The following COG5 variants were observed in gnomAD, a reference collection of about 807,000 sequenced individuals.
The protein encoded by COG5 is component of oligomeric golgi complex 5, also known as conserved oligomeric Golgi complex subunit 5.
In COG5, 86 loss-of-function variants were observed where a neutral mutation model predicts 110.4. That is an observed-to-expected ratio of 0.78 (90% CI 0.65 to 0.93). The LOEUF (loss-of-function observed/expected upper bound fraction) is 0.93, where lower values mean the gene tolerates loss of function less well. COG5 is among the 40% of genes least tolerant of loss of function. The pLI, the probability that COG5 is intolerant of heterozygous loss-of-function variation, is 0.00. For missense variants in COG5, 1,077 were observed against 987.0 expected (o/e 1.09, Z -1.22); for synonymous variants, 360 against 334.6 (o/e 1.08, Z -0.83).
At chr7:107,397,572 A>T (rs1320978187) in intron 7 of COG5, among the ~76,000 whole-genome samples, 2 of 151,992 alleles carry the variant, frequency 1.3e-5, no homozygotes, top group African/African-American at 2.4e-5. Context: ...ATAAAATCAC[A>T]TCTCATCTGC....
intron 6 of COG5, among the ~76,000 whole-genome samples, chr7:107,493,903 C>T (rs545023522): frequency 6.6e-6 from 1 of 152,140 alleles, no homozygotes; most frequent in Non-Finnish European, 1.5e-5. Flanking sequence ...GAAAGATGTG[C>T]CTTAGAAAAT....
intron 7 of COG5, among the ~76,000 whole-genome samples, chr7:107,395,541 CTTTTTTTTTTTTTTTT>C (rs67581814): frequency 3.8e-4 from 19 of 50,040 alleles, no homozygotes; most frequent in Admixed American, 1.4e-3. Flanking sequence ...TGAAGCAGAT[CTTTTTTTTTTTTTTTT>C]TTTTTTTTTT....
At chr7:107,255,942 A>G (rs1584580586) in intron 16 of COG5, among the ~76,000 whole-genome samples, 1 of 152,180 alleles carries the variant, frequency 6.6e-6, no homozygotes, top group African/African-American at 2.4e-5. Flanking sequence ...TTTACCAGCG[A>G]TATGACCTTG....
At chr7:107,556,946 T>C (rs1013787433) in intron 2 of COG5, among the ~76,000 whole-genome samples, 1 of 152,058 alleles carries the variant, frequency 6.6e-6, no homozygotes, top group Non-Finnish European at 1.5e-5. Flanking sequence ...AATTTTTGTA[T>C]TTTTAGTAGA....
At chr7:107,455,352 T>A (rs1795595894) in intron 6 of COG5, among the ~76,000 whole-genome samples, 1 of 152,134 alleles carries the variant, frequency 6.6e-6, no homozygotes, top group African/African-American at 2.4e-5. Flanking sequence ...TAATTGAAGG[T>A]CTAGATACAC....
At chr7:107,272,180 C>A (rs1804331707) in intron 14 of COG5, among the ~76,000 whole-genome samples, 1 of 152,166 alleles carries the variant, frequency 6.6e-6, no homozygotes, top group Non-Finnish European at 1.5e-5. Flanking sequence ...AAGCTGGGAA[C>A]TGCTTATGAC....
chr7:107,295,086 T>C lies in COG5; in HGVS notation c.1313+3056A>G, dbSNP rs1237405339. On this transcript the variant is annotated intron_variant, in intron 12 of 21. Coordinates refer to ENST00000297135, the MANE Select transcript of COG5 (RefSeq NM_006348.5). ...ACACACATATATATATATATATATATATATATATATATATATTTTTTTTTT... is the reference window on the plus strand; with the variant it reads ...ACACACATATATATATATATATATACATATATATATATATATTTTTTTTTT... 2.2e-4 allele frequency among the ~76,000 whole-genome samples: 15 copies of C among 69,378 alleles called. No homozygotes were observed. In the Admixed American group the frequency reaches 2.2e-3, roughly 10 times the overall value. The allele number at this position is 69,378 out of a possible 152,430, so 45.5% of individuals were successfully genotyped here.
intron 19 of COG5, 69 bp from the exon 20 acceptor site, chr7:107,211,294 A>G: frequency 6.5e-7 from 1 of 1,545,894 alleles, no homozygotes; most frequent in Non-Finnish European, 8.9e-7. Flanking sequence ...TGGGAGAATC[A>G]TTCTCCTTGT....
chr7:107,279,224 A>G (rs192413575), intron 14 of COG5, among the ~76,000 whole-genome samples: 11 of 152,372 alleles, frequency 7.2e-5, no homozygotes, highest in African/African-American at 2.6e-4. Flanking sequence ...AATGCAGATC[A>G]AAACCACAAT....
chr7:107,297,495 C>A (rs1273741696), intron 12 of COG5, among the ~76,000 whole-genome samples: 1 of 127,286 alleles, frequency 7.9e-6, no homozygotes, highest in African/African-American at 3.2e-5. Flanking sequence ...GTCGCCCAGG[C>A]TGGAGTGCAG....
At chr7:107,417,083 G>A in intron 6 of COG5, among the ~76,000 whole-genome samples, 1 of 152,132 alleles carries the variant, frequency 6.6e-6, no homozygotes, top group East Asian at 1.9e-4. Flanking sequence ...ATGTGAGAAA[G>A]TGCAGAGAAA....
At chr7:107,411,530 T>A (rs1350482871) in intron 7 of COG5, among the ~76,000 whole-genome samples, 3 of 152,158 alleles carry the variant, frequency 2.0e-5, no homozygotes, top group Non-Finnish European at 4.4e-5. Context: ...GGAGTACTGA[T>A]AATGTCCTAT....
At chr7:107,445,083 G>C (rs985487107) in intron 6 of COG5, among the ~76,000 whole-genome samples, 2 of 151,932 alleles carry the variant, frequency 1.3e-5, no homozygotes, top group African/African-American at 4.8e-5. Context: ...GCTGAGATAG[G>C]AGTATCTCAG....
intron 6 of COG5, among the ~76,000 whole-genome samples, chr7:107,513,866 G>A (rs909795433): frequency 6.6e-6 from 1 of 151,760 alleles, no homozygotes; most frequent in African/African-American, 2.4e-5. Flanking sequence ...CATGGACACA[G>A]GAAGGGGAAC....
At chr7:107,275,279 C>T (rs1394663824) in intron 14 of COG5, among the ~76,000 whole-genome samples, 1 of 149,894 alleles carries the variant, frequency 6.7e-6, no homozygotes, top group African/African-American at 2.5e-5. Flanking sequence ...ATAGTGAGAA[C>T]CCCATCTCTT....
intron 14 of COG5, among the ~76,000 whole-genome samples, chr7:107,272,531 T>C (rs980885870): frequency 2.6e-5 from 4 of 152,192 alleles, no homozygotes; most frequent in Admixed American, 1.3e-4. Flanking sequence ...CTAAATTAAC[T>C]GAGACCTGTC....
chr7:107,304,906 G>T (rs1399303409), intron 11 of COG5, among the ~76,000 whole-genome samples: 1 of 152,204 alleles, frequency 6.6e-6, no homozygotes, highest in African/African-American at 2.4e-5. Flanking sequence ...AAATACTGTT[G>T]TAAAAGCTGG....
At chr7:107,353,287 A>T (rs1054835921) in intron 10 of COG5, among the ~76,000 whole-genome samples, 5 of 151,616 alleles carry the variant, frequency 3.3e-5, no homozygotes, top group South Asian at 2.1e-4. Flanking sequence ...TAGCCGGGCG[A>T]GGTGGCGGGC....
intron 21 of COG5, chr7:107,209,376 A>G: frequency 3.7e-6 from 1 of 271,990 alleles, no homozygotes; most frequent in Non-Finnish European, 5.6e-6. Context: ...GGTTTGAGAG[A>G]AAAGATTAGA....
Sources: allele counts gnomAD v4.1 joint callset (sites outside exome capture counted in the v4.1 genomes callset), GRCh38; gene constraint gnomAD v4.1.1; transcripts MANE v1.5; gene names NCBI Gene and HGNC (gene_info 2026-07-23, HGNC 2026-07-21).